ALDH8A1: variants seen among roughly 807,000 people sequenced by gnomAD.
ALDH8A1 encodes the protein 2-aminomuconic semialdehyde dehydrogenase.
In ALDH8A1, 39 loss-of-function variants were observed where a neutral mutation model predicts 43.3. The observed-to-expected ratio is 0.90, with a 90% CI of 0.70 to 1.18. The LOEUF is 1.18. Ranked by LOEUF, ALDH8A1 falls within the 50% of genes most tolerant of loss-of-function variation. The pLI is 0.00. For missense variants in ALDH8A1, 605 were observed against 622.6 expected, an observed-to-expected ratio of 0.97 and a Z score of 0.30; for synonymous variants, 233 against 243.5, an observed-to-expected ratio of 0.96 and a Z score of 0.40.
At chr6:134,934,009 T>A (rs1773684104) in intron 4 of ALDH8A1, among the ~76,000 whole-genome samples, 1 of 152,194 alleles carries the variant, frequency 6.6e-6, no homozygotes, top group Non-Finnish European at 1.5e-5. Flanking sequence ...GCGCCCAGCC[T>A]ATCCATGATG....
intron 1 of ALDH8A1, among the ~76,000 whole-genome samples, chr6:134,947,144 C>T (rs1773967888): frequency 1.3e-5 from 2 of 152,254 alleles, no homozygotes; most frequent in African/African-American, 2.4e-5. Context: ...ATAGTCTCTC[C>T]AATAAATGGT....
At chr6:134,932,016 T>C (rs922997883) in intron 5 of ALDH8A1, among the ~76,000 whole-genome samples, 43 of 152,364 alleles carry the variant, frequency 2.8e-4, no homozygotes, top group African/African-American at 1.0e-3. Flanking sequence ...TTGGCCTATG[T>C]TTTTACTCTC....
At chr6:134,941,945 C>T (rs1000124967) in intron 3 of ALDH8A1, among the ~76,000 whole-genome samples, 3 of 151,692 alleles carry the variant, frequency 2.0e-5, no homozygotes, top group South Asian at 2.1e-4. Flanking sequence ...TGAGGCCTGG[C>T]GTGGTGGCTC....
At chr6:134,922,522 G>T (rs1776820782) in intron 6 of ALDH8A1, among the ~76,000 whole-genome samples, 2 of 151,912 alleles carry the variant, frequency 1.3e-5, no homozygotes, top group Non-Finnish European at 2.9e-5. Context: ...CGAGTAGCTG[G>T]GGCTACAGGT....
intron 5 of ALDH8A1, among the ~76,000 whole-genome samples, chr6:134,932,566 A>G (rs547131592): frequency 6.6e-6 from 1 of 152,302 alleles, no homozygotes; most frequent in South Asian, 2.1e-4. Context: ...CAAGAAGAGG[A>G]GTTTGCTGAA....
intron 1 of ALDH8A1, among the ~76,000 whole-genome samples, chr6:134,944,648 C>A (rs1773920722): frequency 6.6e-6 from 1 of 151,998 alleles, no homozygotes; most frequent in South Asian, 2.1e-4. Context: ...CTTAGGGAGG[C>A]TGGGTTGGGA....
Position 134,917,972 on chromosome 6 carries a change from A to G in ALDH8A1, c.*443T>C, listed in dbSNP as rs147353047. On this transcript the variant is annotated 3_prime_UTR_variant, in exon 7 of 7. Coordinates refer to ENST00000265605, the MANE Select transcript of ALDH8A1 (RefSeq NM_022568.4). ...AAGACAGGATTTCACCATGTTGCCT[A>G]GGCTGATCTCGAACTCCTGAACTCA... 132 of 184,644 alleles carry G rather than the reference A, an allele frequency of 7.1e-4. 1 individual carries two copies. The highest frequency in any genetic ancestry group is 3.1e-3 in the African/African-American group (129 of 41,964). 11.4% of individuals were successfully genotyped at this position (184,644 alleles called of 1,614,324 possible).
At position 134,942,447 on chromosome 6, in the gene ALDH8A1, C is replaced by T. The variant is rs1331614001; in HGVS notation, c.404G>A (p.Gly135Asp). ...TSECTQMDHL[G>D]CMHYTVRAPV... ...GGCCCGCACCGTGTAGTGCATGCAG[C>T]CCAGGTGGTCCATCTGCGTGCACTC... The change falls in exon 3 of 7, where the codon GGC becomes GAC. Residue 135 changes from glycine (G) to aspartate (D), a missense_variant. By Grantham distance (94) the Gly-to-Asp change is moderately conservative (BLOSUM62 -1). Transcript: ENST00000265605. 6.2e-7 allele frequency: 1 copy of T among 1,614,104 alleles called. No individual in the cohort carries two copies. Among genetic ancestry groups the T allele is most frequent in the Middle Eastern group, 1.7e-4 (1 of 6,060 alleles).
At chr6:134,926,065 G>A (rs1012971453) in intron 6 of ALDH8A1, among the ~76,000 whole-genome samples, 14 of 152,068 alleles carry the variant, frequency 9.2e-5, no homozygotes, top group Admixed American at 9.2e-4. Context: ...ACTTAGGCAT[G>A]GACTGTGAGT....
chr6:134,925,243 G>A (rs1043549731), intron 6 of ALDH8A1, among the ~76,000 whole-genome samples: 1 of 152,172 alleles, frequency 6.6e-6, no homozygotes, highest in Non-Finnish European at 1.5e-5. Context: ...TTGTACCAAT[G>A]ATGAAGAGTT....
intron 3 of ALDH8A1, 123 bp downstream of exon 3, chr6:134,942,286 T>C (rs1159754760): frequency 7.9e-7 from 1 of 1,271,900 alleles, no homozygotes; most frequent in Non-Finnish European, 1.0e-6. Flanking sequence ...GCCAATGGAT[T>C]TTAGAAAAGA....
intron 1 of ALDH8A1, among the ~76,000 whole-genome samples, chr6:134,949,358 G>A (rs1461035210): frequency 2.0e-5 from 3 of 152,072 alleles, no homozygotes; most frequent in Non-Finnish European, 4.4e-5. Flanking sequence ...GAAAAAAGAC[G>A]CTGTTAAATC....
rs1773815282 is a variant in ALDH8A1 at position 134,939,543 on chromosome 6, C to G, written c.443-128G>C. On this transcript the variant is annotated intron_variant, in intron 3 of 6. Transcript: ENST00000265605. The stretch of plus-strand genomic sequence containing the variant: ...CTTAGCTTACTCTTCTAACTTCTTC[C>G]CAAGCTTTGCTTATTTGTAGCCACT... The G allele has an allele frequency of 5.4e-6, 6 of 1,108,388 alleles. No individual in the cohort carries two copies. The East Asian group carries it at 1.6e-4, about 29-fold the overall frequency. 68.7% of individuals were successfully genotyped at this position (1,108,388 alleles called of 1,614,324 possible). A position where few individuals can be genotyped will look rare whatever the true frequency, so the allele number is the denominator to read the frequency against.
intron 4 of ALDH8A1, among the ~76,000 whole-genome samples, chr6:134,939,027 T>C (rs189537950): frequency 4.2e-4 from 64 of 152,268 alleles, no homozygotes; most frequent in Non-Finnish European, 7.5e-4. Flanking sequence ...GCGTCACTAT[T>C]GTGCTGCCAG....
chr6:134,921,638 C>T (rs1776801199), intron 6 of ALDH8A1, among the ~76,000 whole-genome samples: 1 of 152,206 alleles, frequency 6.6e-6, no homozygotes, highest in African/African-American at 2.4e-5. Context: ...AAAGGCATCG[C>T]CACCTATTGT....
intron 3 of ALDH8A1, 131 bp from the exon 4 acceptor site, chr6:134,939,546 A>C (rs1773815384): frequency 1.8e-6 from 2 of 1,096,276 alleles, no homozygotes; most frequent in Non-Finnish European, 1.3e-6. Context: ...CTTCTTCCCA[A>C]GCTTTGCTTA....
chr6:134,923,313 A>G (rs2114678748), intron 6 of ALDH8A1, among the ~76,000 whole-genome samples: 1 of 152,112 alleles, frequency 6.6e-6, no homozygotes, highest in African/African-American at 2.4e-5. Flanking sequence ...TACAGGCATG[A>G]GCCACCGTGC....
At chr6:134,920,569 A>G (rs117339278) in intron 6 of ALDH8A1, among the ~76,000 whole-genome samples, 1 of 152,274 alleles carries the variant, frequency 6.6e-6, no homozygotes, top group Non-Finnish European at 1.5e-5. Flanking sequence ...TTTATCTCTC[A>G]GAAGCTCTTG....
intron 4 of ALDH8A1, among the ~76,000 whole-genome samples, chr6:134,938,044 T>C (rs910720788): frequency 2.3e-4 from 35 of 152,288 alleles, no homozygotes; most frequent in African/African-American, 5.8e-4. Context: ...TGGAAGTTAA[T>C]GTGTATGTCT....
Sources: gnomAD v4.1 joint callset for allele counts (sites outside exome capture counted in the v4.1 genomes callset) on GRCh38, gnomAD v4.1.1 for gene constraint, MANE v1.5 for transcripts, NCBI Gene and HGNC (gene_info 2026-07-23, HGNC 2026-07-21) for gene names.